The following RGS5 variants were observed in gnomAD, a reference collection of about 807,000 sequenced individuals.
RGS5 encodes regulator of G protein signaling 5.
In RGS5, 20 loss-of-function variants were observed where a neutral mutation model predicts 18.9. The ratio of observed to expected loss-of-function variants is 1.06; its 90% CI spans 0.74 to 1.54. The LOEUF (loss-of-function observed/expected upper bound fraction) is 1.54. Among genes scored for constraint, RGS5 ranks in the 40% most tolerant of loss-of-function variants. RGS5 has a pLI of 0.00. For synonymous variants in RGS5, 57 were observed against 76.2 expected (o/e 0.75, Z 1.31); for missense variants, 201 against 211.8 (o/e 0.95, Z 0.32).
At chr1:163,213,239 A>G (rs1001585808) in intron 1 of RGS5, among the ~76,000 whole-genome samples, 1 of 152,178 alleles carries the variant, frequency 6.6e-6, no homozygotes, top group Non-Finnish European at 1.5e-5. Flanking sequence ...TTTTCCAAAA[A>G]AAAAGAAAAC....
chr1:163,303,969 T>TC (rs992090219), intron 2 of RGS5, among the ~76,000 whole-genome samples: 1 of 151,756 alleles, frequency 6.6e-6, no homozygotes, highest in Non-Finnish European at 1.5e-5. Flanking sequence ...CAACTCCTGC[T>TC]CCCCCAACCC....
chr1:163,288,952 T>C (rs1649212407), intron 2 of RGS5, among the ~76,000 whole-genome samples: 1 of 152,194 alleles, frequency 6.6e-6, no homozygotes, highest in Admixed American at 6.5e-5. Flanking sequence ...CTTCCCCTTC[T>C]TGGTATATGT....
At chr1:163,221,409 A>C (rs1647225888), upstream of RGS5, among the ~76,000 whole-genome samples, 1 of 152,142 alleles carries the variant, frequency 6.6e-6, no homozygotes, top group Non-Finnish European at 1.5e-5. Context: ...AGGTAGAAGA[A>C]TCACTTGAAC....
At chr1:163,282,473 CT>C (rs35116637) in intron 2 of RGS5, among the ~76,000 whole-genome samples, 16,909 of 152,144 alleles carry the variant, frequency 0.11, 1,256 homozygotes, top group South Asian at 0.21. Flanking sequence ...CTTTGGGAGG[CT>C]GAGGCAGGAG....
intron 2 of RGS5, chr1:163,244,961 T>A (rs973265313): frequency 2.6e-5 from 4 of 152,220 alleles, no homozygotes; most frequent in African/African-American, 9.6e-5. Flanking sequence ...GGCTCATAGA[T>A]CTTGGGTTCC....
At chr1:163,268,103 G>C (rs1414208065) in intron 2 of RGS5, among the ~76,000 whole-genome samples, 1 of 151,730 alleles carries the variant, frequency 6.6e-6, no homozygotes, top group African/African-American at 2.4e-5. Context: ...TATCTGGTCA[G>C]CTCCTAATAA....
In RGS5 at chr1:163,233,940, ACTT is replaced by A. The variant is rs572350827; in HGVS notation, c.-280-65575_-280-65573del. ...GCTAAGGCAGGAACTGGCTATTTTC[ACTT>A]CTTTTGTGGATCTTCAGTTGCTTCA... On this transcript the variant is annotated intron_variant, in intron 2 of 5. Transcript: ENST00000618415. Among the ~76,000 whole-genome samples the A allele has an allele frequency of 4.6e-3, 704 of 152,158 alleles. 4 individuals are homozygous for A. The highest frequency in any genetic ancestry group is 8.1e-3 in the Non-Finnish European group (548 of 68,010).
At chr1:163,202,112 CCT>C (rs1337476735) in intron 1 of RGS5, among the ~76,000 whole-genome samples, 3 of 152,080 alleles carry the variant, frequency 2.0e-5, no homozygotes, top group Non-Finnish European at 4.4e-5. Context: ...ATAAATAACC[CCT>C]GTGTCCCAAG....
chr1:163,302,452 T>C (rs138248188), intron 2 of RGS5, among the ~76,000 whole-genome samples: 4 of 152,326 alleles, frequency 2.6e-5, no homozygotes, highest in Non-Finnish European at 5.9e-5. Context: ...ACAACACTAA[T>C]AGCCCAAGTT....
chr1:163,166,590 G>A (rs1557886305), intron 2 of RGS5, among the ~76,000 whole-genome samples: 1 of 152,218 alleles, frequency 6.6e-6, no homozygotes, highest in Non-Finnish European at 1.5e-5. Flanking sequence ...ATTCAGAAGA[G>A]AGTGGGAAAC....
At chr1:163,274,711 T>C (rs1246861072) in intron 2 of RGS5, among the ~76,000 whole-genome samples, 6 of 152,288 alleles carry the variant, frequency 3.9e-5, no homozygotes, top group Non-Finnish European at 8.8e-5. Flanking sequence ...TCCAGGTAGA[T>C]AGTGTCCAAA....
At chr1:163,259,331 TA>T (rs1648366247) in intron 2 of RGS5, among the ~76,000 whole-genome samples, 1 of 149,576 alleles carries the variant, frequency 6.7e-6, no homozygotes. Context: ...TTTTTTTTTT[TA>T]TCTTTTTTTT....
At chr1:163,217,464 G>C in intron 1 of RGS5, 1 of 1,454,032 alleles carries the variant, frequency 6.9e-7, no homozygotes, top group Middle Eastern at 1.8e-4. Flanking sequence ...ACTATGCACA[G>C]TCTTTCCTGT....
chr1:163,310,229 C>A (rs1649817295), intron 1 of RGS5, among the ~76,000 whole-genome samples: 1 of 152,204 alleles, frequency 6.6e-6, no homozygotes, highest in African/African-American at 2.4e-5. Flanking sequence ...TATCCCCTAA[C>A]AAGAGTCATT....
At chr1:163,318,552 A>G (rs1198547452) in intron 1 of RGS5, among the ~76,000 whole-genome samples, 1 of 152,208 alleles carries the variant, frequency 6.6e-6, no homozygotes, top group Non-Finnish European at 1.5e-5. Context: ...CAGGAATAGC[A>G]GTAGTTTTAG....
chr1:163,247,450 A>G, intron 2 of RGS5, among the ~76,000 whole-genome samples: 1 of 152,072 alleles, frequency 6.6e-6, no homozygotes, highest in East Asian at 1.9e-4. Flanking sequence ...ATCAGCAACT[A>G]TTAAGATTCA....
intron 2 of RGS5, chr1:163,244,693 A>C (rs1647881785): frequency 6.6e-6 from 1 of 152,202 alleles, no homozygotes; most frequent in Non-Finnish European, 1.5e-5. Context: ...TAAACAACCA[A>C]ATATAGTCAC....
chr1:163,193,802 C>G (rs1571272610), intron 1 of RGS5, among the ~76,000 whole-genome samples: 1 of 152,140 alleles, frequency 6.6e-6, no homozygotes, highest in East Asian at 1.9e-4. Context: ...CCCTGACATA[C>G]CCTTCTCATC....
rs143411714 is a variant in RGS5, at chr1:163,145,691, T to C, written c.*1651A>G. Reference sequence around the variant, plus strand: ...GAAATGGCATGTATTCAGCAGGGCATATTATTCTTGAAGTCACAAAAATAG... The same window carrying C: ...GAAATGGCATGTATTCAGCAGGGCACATTATTCTTGAAGTCACAAAAATAG... On this transcript the variant is annotated 3_prime_UTR_variant, in exon 5 of 5. Transcript: ENST00000313961. The C allele has an allele frequency of 2.6e-5, 4 of 152,336 alleles. No individual in the cohort carries two copies. Among genetic ancestry groups the C allele is most frequent in the Non-Finnish European group, 5.9e-5 (4 of 68,032 alleles). 9.4% of individuals were successfully genotyped at this position (152,336 alleles called of 1,614,324 possible).
Sources: allele counts gnomAD v4.1 joint callset (sites outside exome capture counted in the v4.1 genomes callset), GRCh38; gene constraint gnomAD v4.1.1; transcripts MANE v1.5; gene names NCBI Gene and HGNC (gene_info 2026-07-23, HGNC 2026-07-21).